Variants in PDSS2 observed in about 807,000 individuals in gnomAD.
PDSS2 encodes decaprenyl diphosphate synthase subunit 2, also known as all trans-polyprenyl-diphosphate synthase PDSS2.
A neutral mutation model predicts 44.5 loss-of-function variants in PDSS2; 31 were observed. The observed-to-expected ratio is 0.70, with a 90% confidence interval of 0.52 to 0.94. The LOEUF is 0.94. Ranked by LOEUF, PDSS2 falls within the 40% of genes least tolerant of loss-of-function variation. PDSS2 has a pLI of 0.00. For synonymous variants in PDSS2, 157 were observed against 180.3 expected (o/e 0.87, Z 1.03); for missense variants, 452 against 482.2 (o/e 0.94, Z 0.59).
intron 4 of PDSS2, among the ~76,000 whole-genome samples, chr6:107,231,558 C>T (rs991888612): frequency 2.0e-5 from 3 of 152,200 alleles, no homozygotes; most frequent in African/African-American, 4.8e-5. Flanking sequence ...CTATTCACAG[C>T]TTCTACATAA....
At chr6:107,316,849 C>A (rs1777218163) in intron 2 of PDSS2, among the ~76,000 whole-genome samples, 1 of 152,282 alleles carries the variant, frequency 6.6e-6, no homozygotes, top group South Asian at 2.1e-4. Context: ...GCACATAAAA[C>A]TTTGTATAAA....
At chr6:107,417,538 C>T (rs1032076409) in intron 1 of PDSS2, among the ~76,000 whole-genome samples, 1 of 152,180 alleles carries the variant, frequency 6.6e-6, no homozygotes, top group Non-Finnish European at 1.5e-5. Context: ...GCAGCTGGAT[C>T]ACTTGAGGTG....
In PDSS2 at chr6:107,210,862, G is replaced by T. The variant is rs549746846; in HGVS notation, c.877-292C>A. 2.7e-3 allele frequency among the ~76,000 whole-genome samples: 411 copies of T among 151,614 alleles called. 4 individuals carry two copies. The highest frequency in any genetic ancestry group is 9.5e-3 in the African/African-American group (393 of 41,230). On this transcript the variant is annotated intron_variant, in intron 5 of 7. Coordinates refer to ENST00000369037, the MANE Select transcript of PDSS2 (RefSeq NM_020381.4). Reference sequence around the variant, plus strand: ...CTACTAAAAAAACAAAAATTGGGGGGGGTTTGCACACACATTCCAGCTACT... The same window carrying T: ...CTACTAAAAAAACAAAAATTGGGGGTGGTTTGCACACACATTCCAGCTACT...
chr6:107,361,753 T>C (rs144621707), intron 1 of PDSS2, among the ~76,000 whole-genome samples: 632 of 152,280 alleles, frequency 4.2e-3, no homozygotes, highest in Non-Finnish European at 7.2e-3. Flanking sequence ...AATGCAACTA[T>C]AAAGCTGAAC....
intron 2 of PDSS2, among the ~76,000 whole-genome samples, chr6:107,313,635 T>C (rs1179735965): frequency 2.0e-5 from 3 of 152,108 alleles, no homozygotes; most frequent in African/African-American, 7.2e-5. Context: ...ATTACAGGCA[T>C]GAGCCACCAC....
intron 7 of PDSS2, among the ~76,000 whole-genome samples, chr6:107,180,178 G>A (rs1342558447): frequency 6.6e-6 from 1 of 152,156 alleles, no homozygotes; most frequent in East Asian, 1.9e-4. Flanking sequence ...TAGGGACAGA[G>A]GGCTCTATCT....
chr6:107,297,677 G>T (rs535545242), intron 2 of PDSS2, among the ~76,000 whole-genome samples: 17 of 151,894 alleles, frequency 1.1e-4, no homozygotes, highest in Non-Finnish European at 2.2e-4. Flanking sequence ...CCTGTGCCTG[G>T]CTGGGAATGA....
At chr6:107,166,555 G>A (rs1460055909) in intron 7 of PDSS2, among the ~76,000 whole-genome samples, 2 of 151,926 alleles carry the variant, frequency 1.3e-5, no homozygotes, top group East Asian at 1.9e-4. Context: ...TAGTAGAGAC[G>A]GGGTTTCACC....
At chr6:107,381,332 C>T (rs1779449228) in intron 1 of PDSS2, among the ~76,000 whole-genome samples, 1 of 152,164 alleles carries the variant, frequency 6.6e-6, no homozygotes, top group Admixed American at 6.5e-5. Context: ...AGCCTATAAG[C>T]ATATGTTAAA....
intron 1 of PDSS2, among the ~76,000 whole-genome samples, chr6:107,344,370 GA>G (rs1349795283): frequency 6.6e-6 from 1 of 151,668 alleles, no homozygotes; most frequent in Admixed American, 6.6e-5. Context: ...AATTTCCATG[GA>G]AAAAATGACC....
intron 1 of PDSS2, among the ~76,000 whole-genome samples, chr6:107,430,627 G>C (rs762472466): frequency 3.9e-5 from 6 of 152,118 alleles, no homozygotes; most frequent in Non-Finnish European, 8.8e-5. Context: ...CTGGCCACAT[G>C]GTGAAACCCC....
intron 1 of PDSS2, 25 bp downstream of exon 1, chr6:107,458,965 T>A (rs968237174): frequency 6.2e-7 from 1 of 1,611,228 alleles, no homozygotes; most frequent in African/African-American, 1.3e-5. Flanking sequence ...AGTGCGAGTG[T>A]GTCAGCGGGA....
chr6:107,231,010 A>G (rs896276487), intron 4 of PDSS2, among the ~76,000 whole-genome samples: 5 of 152,162 alleles, frequency 3.3e-5, no homozygotes, highest in African/African-American at 1.2e-4. Flanking sequence ...GGAGTTTGAG[A>G]CCAGCCTGGG....
At chr6:107,432,566 G>A (rs1343459645) in intron 1 of PDSS2, among the ~76,000 whole-genome samples, 3 of 152,070 alleles carry the variant, frequency 2.0e-5, no homozygotes, top group Non-Finnish European at 4.4e-5. Flanking sequence ...CAAGGCAGGC[G>A]GATCACTTGA....
At chr6:107,429,652 A>G (rs1781108377) in intron 1 of PDSS2, among the ~76,000 whole-genome samples, 2 of 151,872 alleles carry the variant, frequency 1.3e-5, no homozygotes, top group African/African-American at 4.8e-5. Flanking sequence ...TGGGAGGCCA[A>G]GGCAGCCAGA....
At chr6:107,197,480 C>CA (rs1211356401) in intron 6 of PDSS2, among the ~76,000 whole-genome samples, 13,492 of 82,284 alleles carry the variant, frequency 0.16, 1,081 homozygotes, top group African/African-American at 0.26. Flanking sequence ...ACCCCCATCT[C>CA]AAAAAAAAAA....
In PDSS2 at chr6:107,361,698, C is replaced by T. The variant is rs186592389; in HGVS notation, c.297-27366G>A. 2.8e-4 allele frequency among the ~76,000 whole-genome samples: 42 copies of T among 152,296 alleles called. No homozygotes were observed. The East Asian group carries it at 7.9e-3, about 29-fold the overall frequency. ...CTTTAAAATGTACAGATAGAGACTT[C>T]CATTTATCATGATGGAATGAGGTGG... On this transcript the variant is annotated intron_variant, in intron 1 of 7. Coordinates refer to ENST00000369037, the MANE Select transcript of PDSS2 (RefSeq NM_020381.4).
rs114876852 is a variant in PDSS2 at position 107,273,548 on chromosome 6, C to T, written c.630+481G>A. Among the ~76,000 whole-genome samples the T allele has an allele frequency of 4.4e-3, 669 of 152,056 alleles. 6 individuals carry two copies. Among genetic ancestry groups the T allele is most frequent in the African/African-American group, 0.016 (643 of 41,476 alleles). ...CTGGATATTATAGAAAAAGTTATAA[C>T]CATGGGAAGATGCTCGCATCATAAT... On this transcript the variant is annotated intron_variant, in intron 3 of 7. Coordinates refer to ENST00000369037, the MANE Select transcript of PDSS2 (RefSeq NM_020381.4).
intron 1 of PDSS2, among the ~76,000 whole-genome samples, chr6:107,405,746 C>CT (rs1425116799): frequency 6.7e-6 from 1 of 150,102 alleles, no homozygotes; most frequent in Non-Finnish European, 1.5e-5. Flanking sequence ...ACTTGGGAGG[C>CT]TGAGGCAGGA....
Sources: gnomAD v4.1 joint callset for allele counts (sites outside exome capture counted in the v4.1 genomes callset) on GRCh38, gnomAD v4.1.1 for gene constraint, MANE v1.5 for transcripts, NCBI Gene and HGNC (gene_info 2026-07-23, HGNC 2026-07-21) for gene names.